Variants in PHF6 observed in about 807,000 individuals in gnomAD.
PHF6 encodes the protein PHD finger protein 6, also known as PHD-like zinc finger protein.
Under a neutral mutation model 34.0 loss-of-function variants are expected in PHF6, and 7 were observed. That is an observed-to-expected ratio of 0.21 (90% CI 0.12 to 0.39). PHF6 has a LOEUF of 0.39. Ranked by LOEUF, PHF6 falls within the 10% of genes least tolerant of loss-of-function variation. The pLI is 1.00. For synonymous variants in PHF6, 89 were observed against 88.4 expected (o/e 1.01, Z -0.04); for missense variants, 128 against 262.8 (o/e 0.49, Z 3.55).
At chrX:134,402,910 C>T (rs1024906718) in intron 5 of PHF6, among the ~76,000 whole-genome samples, 2 of 111,686 alleles carry the variant, frequency 1.8e-5, no homozygotes, top group Non-Finnish European at 3.8e-5. Flanking sequence ...CATCATGAAC[C>T]GTGCCCATGT....
Position 134,376,921 on chromosome X carries a change from A to G in PHF6, c.-46-651A>G, listed in dbSNP as rs143677382. Among the ~76,000 whole-genome samples, 1,002 of 111,977 alleles carry G rather than the reference A, an allele frequency of 8.9e-3. 8 individuals are homozygous for G. The highest frequency in any genetic ancestry group is 0.031 in the African/African-American group (943 of 30,892). On this transcript the variant is annotated intron_variant, in intron 1 of 10. Coordinates refer to ENST00000370803, the MANE Select transcript of PHF6 (RefSeq NM_001015877.2). The stretch of plus-strand genomic sequence containing the variant: ...AGTCATAGTTAGGTAAATTCGTTTT[A>G]CTTTTATTGTTTTATCAATATGTGA...
intron 9 of PHF6, among the ~76,000 whole-genome samples, chrX:134,422,271 T>G (rs1168885320): frequency 5.3e-5 from 6 of 112,241 alleles, no homozygotes. Flanking sequence ...GGTATATCAG[T>G]TTATTCTATT....
At chrX:134,413,414 C>T in intron 5 of PHF6, 77 bp from the exon 6 acceptor site, 2 of 1,042,791 alleles carry the variant, frequency 1.9e-6, no homozygotes, top group Non-Finnish European at 1.3e-6. Flanking sequence ...TAAGGAGAAA[C>T]ATATGTCCTA....
intron 5 of PHF6, among the ~76,000 whole-genome samples, chrX:134,396,190 A>G (rs1415393956): frequency 8.9e-6 from 1 of 111,772 alleles, no homozygotes; most frequent in African/African-American, 3.3e-5. Flanking sequence ...CCCTATTTCA[A>G]ACAATCCAAG....
rs779947728 is a variant in PHF6 at position 134,417,184 on chromosome X, A to G, written c.850A>G (p.Ser284Gly). ...RGKRMKCTLCSQPGATIGCEI... is the reference protein window; with the variant it reads ...RGKRMKCTLCGQPGATIGCEI... ...CCTTATACAGAAATGTACACTTTGC[A>G]GTCAGCCTGGTGCTACTATTGGATG... The change falls in exon 9 of 11, where the codon AGT (serine) becomes GGT (glycine). Residue 284 changes from serine to glycine, a missense_variant. Physicochemically the swap from Ser to Gly is moderately conservative, Grantham distance 56 (BLOSUM62 0). Transcript: ENST00000370803. 8.3e-7 allele frequency: 1 copy of G among 1,211,389 alleles called. No homozygotes were observed. The highest frequency in any genetic ancestry group is 1.1e-6 in the Non-Finnish European group (1 of 895,078).
At position 134,383,242 on chromosome X, in the gene PHF6, C is replaced by CAA. The variant is rs60151860; in HGVS notation, c.240+5146_240+5147dup. On this transcript the variant is annotated intron_variant, in intron 3 of 10. Coordinates refer to ENST00000370803, the MANE Select transcript of PHF6 (RefSeq NM_001015877.2). The stretch of plus-strand genomic sequence containing the variant: ...TGGGTGATAAAGTGAGGTCCTGTCT[C>CAA]AAAAAAAAAAATTTTTTTTTGCCCT... Among the ~76,000 whole-genome samples the CAA allele has an allele frequency of 2.1e-3, 213 of 103,008 alleles. 1 individual carries two copies. The highest frequency in any genetic ancestry group is 0.015 in the South Asian group (34 of 2,225). 89.5% of individuals were successfully genotyped at this position (103,008 alleles called of 115,157 possible). A position where few individuals can be genotyped will look rare whatever the true frequency, so the allele number is the denominator to read the frequency against.
At chrX:134,425,465 G>A in intron 10 of PHF6, 135 bp downstream of exon 10, 2 of 799,361 alleles carry the variant, frequency 2.5e-6, no homozygotes, top group Non-Finnish European at 3.7e-6. Flanking sequence ...CTAAAATGCT[G>A]AGGATTTTGT....
chrX:134,425,415 A>ATT (rs975026595), intron 10 of PHF6, 85 bp downstream of exon 10: 1 of 1,066,031 alleles, frequency 9.4e-7, no homozygotes, highest in Admixed American at 2.2e-5. Context: ...ATGCAGTAAG[A>ATT]TTTTTTTTAA....
intron 5 of PHF6, among the ~76,000 whole-genome samples, chrX:134,394,274 C>T (rs1426969846): frequency 9.1e-6 from 1 of 110,201 alleles, no homozygotes; most frequent in Non-Finnish European, 1.9e-5. Flanking sequence ...GCTGGGATTA[C>T]AGACGTGCAC....
chrX:134,404,505 A>G (rs2077414952), intron 5 of PHF6, among the ~76,000 whole-genome samples: 1 of 112,373 alleles, frequency 8.9e-6, no homozygotes. Context: ...TGAAACGACA[A>G]CAAAGGATTT....
chrX:134,405,724 T>TAG (rs1266253595), intron 5 of PHF6, among the ~76,000 whole-genome samples: 1 of 110,729 alleles, frequency 9.0e-6, no homozygotes, highest in Non-Finnish European at 1.9e-5. Flanking sequence ...TAGCACACTT[T>TAG]AGTAATAATA....
intron 8 of PHF6, among the ~76,000 whole-genome samples, chrX:134,416,116 C>T (rs183531285): frequency 2.5e-3 from 269 of 109,408 alleles, no homozygotes; most frequent in Admixed American, 5.6e-3. Context: ...TGCACCAACA[C>T]GCCTGGATAA....
At chrX:134,388,710 C>G (rs909833478) in intron 3 of PHF6, among the ~76,000 whole-genome samples, 5 of 111,770 alleles carry the variant, frequency 4.5e-5, no homozygotes, top group Admixed American at 9.6e-5. Context: ...AGTTGGCAAT[C>G]TCATTTTCAT....
At chrX:134,390,222 A>G (rs992272814) in intron 3 of PHF6, among the ~76,000 whole-genome samples, 1 of 111,984 alleles carries the variant, frequency 8.9e-6, no homozygotes, top group Non-Finnish European at 1.9e-5. Context: ...AATTTTTGCT[A>G]TTTTGTTAGT....
chrX:134,425,099 A>T, intron 9 of PHF6, 102 bp from the exon 10 acceptor site: 1 of 1,008,519 alleles, frequency 9.9e-7, no homozygotes. Flanking sequence ...GGATGAGGAA[A>T]CCCATGTTTT....
intron 5 of PHF6, among the ~76,000 whole-genome samples, chrX:134,399,549 C>T (rs1458517424): frequency 9.1e-6 from 1 of 110,087 alleles, no homozygotes; most frequent in African/African-American, 3.3e-5. Flanking sequence ...GGCTTTTTTC[C>T]CTTAATTAAT....
chrX:134,400,817 C>A (rs1020809403), intron 5 of PHF6, among the ~76,000 whole-genome samples: 1 of 111,508 alleles, frequency 9.0e-6, no homozygotes, highest in African/African-American at 3.3e-5. Context: ...ATTCAGGATC[C>A]TGTATGTGCA....
chrX:134,378,832 G>A (rs1468901753), intron 3 of PHF6, among the ~76,000 whole-genome samples: 5 of 111,877 alleles, frequency 4.5e-5, no homozygotes, highest in African/African-American at 9.7e-5. Context: ...GGTAGGTCTC[G>A]AACTCCTGGG....
chrX:134,406,092 T>G (rs1168229891), intron 5 of PHF6, among the ~76,000 whole-genome samples: 1 of 101,382 alleles, frequency 9.9e-6, no homozygotes, highest in Non-Finnish European at 2.0e-5. Context: ...CTTTCTTTCT[T>G]TCTTTCTTTC....
Sources: allele counts gnomAD v4.1 joint callset (sites outside exome capture counted in the v4.1 genomes callset), GRCh38; gene constraint gnomAD v4.1.1; transcripts MANE v1.5; gene names NCBI Gene and HGNC (gene_info 2026-07-23, HGNC 2026-07-21).